The following SMIM17 variants were observed in gnomAD, a reference collection of about 807,000 sequenced individuals.
The protein encoded by SMIM17 is small integral membrane protein 17.
In SMIM17, 10 loss-of-function variants were observed where a neutral mutation model predicts 12.2. That is an observed-to-expected ratio of 0.82 (90% CI 0.50 to 1.39). The LOEUF (loss-of-function observed/expected upper bound fraction) is 1.39, where lower values mean the gene tolerates loss of function less well. Ranked by LOEUF, SMIM17 falls within the 40% of genes most tolerant of loss-of-function variation. SMIM17 has a pLI of 0.00. For synonymous variants in SMIM17, 50 were observed against 44.1 expected (o/e 1.13, Z -0.53); for missense variants, 136 against 118.2 (o/e 1.15, Z -0.70).
chr19:56,643,914 GT>G (rs1253257120), intron 1 of SMIM17, among the ~76,000 whole-genome samples: 1 of 152,122 alleles, frequency 6.6e-6, no homozygotes, highest in Admixed American at 6.5e-5. Flanking sequence ...TTTTACTGTG[GT>G]TGCTGGTTGT....
At position 56,656,978 on chromosome 19, in the gene SMIM17, C is replaced by T. The variant is rs1477879211; in HGVS notation, c.*1765C>T. Among the ~76,000 whole-genome samples the T allele has an allele frequency of 1.3e-5, 2 of 152,120 alleles. No homozygotes were observed. Among genetic ancestry groups the T allele is most frequent in the African/African-American group, 4.8e-5 (2 of 41,418 alleles). On this transcript the variant is annotated 3_prime_UTR_variant, in exon 4 of 4. Coordinates refer to ENST00000598409, the MANE Select transcript of SMIM17 (RefSeq NM_001193628.2). Reference sequence around the variant, plus strand: ...ATGTGCCTGTTAGTTAACTCAGTATCGTCAATTATATTGTTCAGATTCATG... The same window carrying T: ...ATGTGCCTGTTAGTTAACTCAGTATTGTCAATTATATTGTTCAGATTCATG...
intron 3 of SMIM17, among the ~76,000 whole-genome samples, chr19:56,651,609 T>C (rs1285620648): frequency 2.6e-5 from 4 of 152,102 alleles, no homozygotes; most frequent in Non-Finnish European, 5.9e-5. Context: ...CTGGTAAAAG[T>C]TGCTGTAACA....
rs1178830105 is a variant in SMIM17, at chr19:56,647,648, T to G, written c.246+14T>G. 2.6e-6 allele frequency: 4 copies of G among 1,532,346 alleles called. No homozygotes were observed. The highest frequency in any genetic ancestry group is 3.9e-5 in the Admixed American group (2 of 50,774). The allele number at this position is 1,532,346 out of a possible 1,614,324, so 94.9% of individuals were successfully genotyped here. ...GAGGGCTCCCAGGTACACTGGGGGG[T>G]TTGTTCTTTTTCCACAAATGTCCCA... On this transcript the variant is annotated intron_variant, in intron 3 of 3. Coordinates refer to ENST00000598409, the MANE Select transcript of SMIM17 (RefSeq NM_001193628.2).
intron 2 of SMIM17, 41 bp downstream of exon 2, chr19:56,645,877 G>A: frequency 1.3e-6 from 2 of 1,494,526 alleles, no homozygotes; most frequent in South Asian, 1.3e-5. Flanking sequence ...TGGGTGGAGA[G>A]GAAGGAATTG....
At chr19:56,648,924 C>T (rs1174390137) in intron 3 of SMIM17, among the ~76,000 whole-genome samples, 1 of 152,196 alleles carries the variant, frequency 6.6e-6, no homozygotes, top group African/African-American at 2.4e-5. Context: ...TCCCATCCAT[C>T]TCCCAATCAT....
intron 1 of SMIM17, 31 bp from the exon 2 acceptor site, chr19:56,645,537 A>G (rs1003195969): frequency 2.2e-5 from 19 of 851,946 alleles, no homozygotes; most frequent in Non-Finnish European, 3.0e-5. Context: ...GCCCTCTGTA[A>G]TGATTCACTG....
chr19:56,649,353 C>A (rs12608566), intron 3 of SMIM17, among the ~76,000 whole-genome samples: 47,223 of 152,120 alleles, frequency 0.31, 8,872 homozygotes, highest in East Asian at 0.64. Context: ...AAGCAGTGTT[C>A]AATGCACAGA....
chr19:56,645,947 A>G, intron 2 of SMIM17, 111 bp downstream of exon 2: 2 of 1,192,784 alleles, frequency 1.7e-6, no homozygotes, highest in Non-Finnish European at 2.3e-6. Flanking sequence ...ACAGCTATTC[A>G]TGGAGCACTG....
intron 2 of SMIM17, among the ~76,000 whole-genome samples, chr19:56,646,727 GA>G (rs1407641251): frequency 2.6e-5 from 4 of 152,198 alleles, no homozygotes; most frequent in African/African-American, 9.7e-5. Context: ...ACATCTTTGG[GA>G]GAAGGAATCA....
At chr19:56,655,038 C>A in intron 3 of SMIM17, 65 bp from the exon 4 acceptor site, 1 of 588,916 alleles carries the variant, frequency 1.7e-6, no homozygotes, top group South Asian at 2.2e-5. Context: ...AGTCTATTTT[C>A]CTGCAAGTAA....
At position 56,655,064 on chromosome 19, in the gene SMIM17, C is replaced by A. The variant is rs1306065159; in HGVS notation, c.247-39C>A. 4.7e-6 allele frequency: 3 copies of A among 642,968 alleles called. No individual in the cohort carries two copies. The Admixed American group carries it at 6.8e-5, about 15-fold the overall frequency. The allele number at this position is 642,968 out of a possible 1,614,324, so 39.8% of individuals were successfully genotyped here. A position where few individuals can be genotyped will look rare whatever the true frequency, so the allele number is the denominator to read the frequency against. On this transcript the variant is annotated intron_variant, in intron 3 of 3. Transcript: ENST00000598409. ...CTGCAAGTAACAATGGTGGCCCCTTCCTTTCCAATATTTATCCTTTTCCTT... is the reference window on the plus strand; with the variant it reads ...CTGCAAGTAACAATGGTGGCCCCTTACTTTCCAATATTTATCCTTTTCCTT...
chr19:56,651,858 C>A (rs768275620), intron 3 of SMIM17, among the ~76,000 whole-genome samples: 3 of 152,034 alleles, frequency 2.0e-5, no homozygotes, highest in African/African-American at 7.2e-5. Context: ...AATCGCAGCA[C>A]TTTGGGAGGC....
rs920182543 is a variant in SMIM17, at chr19:56,645,606, G to C, written c.-62G>C. The C allele has an allele frequency of 3.0e-5, 42 of 1,395,224 alleles. No individual in the cohort carries two copies. The East Asian group carries it at 4.5e-4, about 15-fold the overall frequency. 86.4% of individuals were successfully genotyped at this position (1,395,224 alleles called of 1,614,324 possible). A position where few individuals can be genotyped will look rare whatever the true frequency, so the allele number is the denominator to read the frequency against. On this transcript the variant is annotated 5_prime_UTR_variant, in exon 2 of 4. Transcript: ENST00000598409. ...AATCTTGTGCCTGGAGAACCAGAGA[G>C]GACCCTGGAGCAGGAGGAGAAAGAG... is the stretch of plus-strand genomic sequence containing the variant.
intron 3 of SMIM17, among the ~76,000 whole-genome samples, chr19:56,654,056 G>C (rs1240466804): frequency 3.3e-5 from 5 of 152,056 alleles, no homozygotes; most frequent in Non-Finnish European, 7.4e-5. Context: ...TCTTATCATG[G>C]TATGTTTTTT....
intron 3 of SMIM17, among the ~76,000 whole-genome samples, chr19:56,652,630 C>T (rs1005893834): frequency 1.3e-5 from 2 of 148,900 alleles, no homozygotes; most frequent in Admixed American, 6.8e-5. Flanking sequence ...CCAGCCTGGG[C>T]GATACAGCGA....
intron 3 of SMIM17, among the ~76,000 whole-genome samples, chr19:56,650,035 G>A (rs564032834): frequency 6.6e-6 from 1 of 152,162 alleles, no homozygotes; most frequent in African/African-American, 2.4e-5. Flanking sequence ...AGGTGGGTTG[G>A]ATGTGGCTGG....
chr19:56,654,086 C>G (rs543901274), intron 3 of SMIM17, among the ~76,000 whole-genome samples: 2 of 152,290 alleles, frequency 1.3e-5, no homozygotes, highest in Non-Finnish European at 2.9e-5. Context: ...ACTCATTCAA[C>G]AAATATTTAC....
At position 56,645,626 on chromosome 19, in the gene SMIM17, A is replaced by G; in HGVS notation, c.-42A>G. On this transcript the variant is annotated 5_prime_UTR_variant, in exon 2 of 4. Coordinates refer to ENST00000598409, the MANE Select transcript of SMIM17 (RefSeq NM_001193628.2). Reference sequence around the variant, plus strand: ...AGAGAGGACCCTGGAGCAGGAGGAGAAAGAGAAGCTTGTCTCAGAAGCTCC... The same window carrying G: ...AGAGAGGACCCTGGAGCAGGAGGAGGAAGAGAAGCTTGTCTCAGAAGCTCC... The G allele has an allele frequency of 5.6e-6, 8 of 1,438,446 alleles. No individual in the cohort carries two copies. Among genetic ancestry groups the G allele is most frequent in the Non-Finnish European group, 7.3e-6 (8 of 1,099,682 alleles). The allele number at this position is 1,438,446 out of a possible 1,614,324, so 89.1% of individuals were successfully genotyped here.
At chr19:56,652,867 T>C (rs1235584049) in intron 3 of SMIM17, among the ~76,000 whole-genome samples, 2 of 152,068 alleles carry the variant, frequency 1.3e-5, no homozygotes, top group Non-Finnish European at 2.9e-5. Context: ...ACCATACAAG[T>C]AGCGGCCAAT....
Sources: allele counts gnomAD v4.1 joint callset (sites outside exome capture counted in the v4.1 genomes callset), GRCh38; gene constraint gnomAD v4.1.1; transcripts MANE v1.5; gene names NCBI Gene and HGNC (gene_info 2026-07-23, HGNC 2026-07-21).